Variants in MAST4 observed in about 807,000 individuals in gnomAD.
MAST4 encodes the protein microtubule-associated serine/threonine-protein kinase 4.
In MAST4, 89 loss-of-function variants were observed where a neutral mutation model predicts 162.7. That is an observed-to-expected ratio of 0.55 (90% CI 0.46 to 0.65). MAST4 has a LOEUF of 0.65. MAST4 is among the 30% of genes least tolerant of loss of function. The probability of loss-of-function intolerance (pLI) is 0.00; values close to 1 mark genes in which losing one functional copy is unlikely to be tolerated. For synonymous variants in MAST4, 1,479 were observed against 1,361.1 expected, an observed-to-expected ratio of 1.09 and a Z score of -1.91; for missense variants, 3,153 against 3,374.0, an observed-to-expected ratio of 0.93 and a Z score of 1.62.
intron 3 of MAST4, among the ~76,000 whole-genome samples, chr5:66,896,972 CACTT>C (rs1762721120): frequency 1.3e-5 from 2 of 152,148 alleles, no homozygotes; most frequent in South Asian, 4.1e-4. Flanking sequence ...TGCTAGTTAA[CACTT>C]AAAAGTCTGG....
chr5:67,119,013 G>A (rs1465543038), intron 13 of MAST4, among the ~76,000 whole-genome samples: 1 of 152,146 alleles, frequency 6.6e-6, no homozygotes, highest in African/African-American at 2.4e-5. Flanking sequence ...GGTAAGAAGG[G>A]GCAAAAGGAA....
intron 3 of MAST4, among the ~76,000 whole-genome samples, chr5:66,852,957 T>A (rs1289697467): frequency 6.6e-6 from 1 of 152,216 alleles, no homozygotes; most frequent in Non-Finnish European, 1.5e-5. Context: ...GACATACTCT[T>A]CTCAACAGTG....
intron 4 of MAST4, among the ~76,000 whole-genome samples, chr5:67,025,454 T>A (rs1754524415): frequency 6.6e-6 from 1 of 152,174 alleles, no homozygotes; most frequent in Non-Finnish European, 1.5e-5. Context: ...AATAATTTTT[T>A]TAAACAAGCC....
chr5:66,904,569 G>C (rs1450967771), intron 4 of MAST4, among the ~76,000 whole-genome samples: 1 of 152,070 alleles, frequency 6.6e-6, no homozygotes, highest in African/African-American at 2.4e-5. Flanking sequence ...GTAGGTCCGG[G>C]ATCTATAAAA....
At chr5:67,014,448 A>G (rs945824983) in intron 4 of MAST4, among the ~76,000 whole-genome samples, 4 of 152,236 alleles carry the variant, frequency 2.6e-5, no homozygotes, top group Non-Finnish European at 5.9e-5. Flanking sequence ...ATTCTGCAAA[A>G]TAAGCCTCTA....
intron 15 of MAST4, among the ~76,000 whole-genome samples, chr5:67,130,620 G>A (rs956039961): frequency 2.6e-5 from 4 of 152,114 alleles, no homozygotes; most frequent in African/African-American, 9.7e-5. Context: ...GAGAAAATTA[G>A]CGCTATCTGG....
At chr5:66,787,318 C>G (rs1755162737) in intron 2 of MAST4, among the ~76,000 whole-genome samples, 1 of 152,182 alleles carries the variant, frequency 6.6e-6, no homozygotes. Flanking sequence ...AAAAGAAGAT[C>G]TAATTTTTCT....
intron 1 of MAST4, among the ~76,000 whole-genome samples, chr5:66,715,023 G>A (rs531842391): frequency 1.6e-4 from 25 of 152,300 alleles, no homozygotes; most frequent in African/African-American, 6.0e-4. Flanking sequence ...GGTCCATGAT[G>A]ACTTTCCAAG....
At position 67,040,850 on chromosome 5, in the gene MAST4, T is replaced by G. The variant is rs546876957; in HGVS notation, c.675-13554T>G. 8.9e-4 allele frequency among the ~76,000 whole-genome samples: 136 copies of G among 152,346 alleles called. No individual in the cohort carries two copies. The Middle Eastern group carries it at 0.031, about 35-fold the overall frequency. On this transcript the variant is annotated intron_variant, in intron 4 of 28. Coordinates refer to ENST00000403625, the MANE Select transcript of MAST4 (RefSeq NM_001164664.2). ...TGCTTTGTAGACAGTCTAGCAAGAT[T>G]GTTAAAAACACAGGTTCTGAAGGCA...
chr5:66,596,430 C>T lies in MAST4; in HGVS notation c.-226C>T, dbSNP rs150749318. 41 of 440,928 alleles carry T rather than the reference C, an allele frequency of 9.3e-5. No homozygotes were observed. In the East Asian group the frequency reaches 1.4e-3, roughly 15 times the overall value. The allele number at this position is 440,928 out of a possible 1,614,324, so 27.3% of individuals were successfully genotyped here. On this transcript the variant is annotated 5_prime_UTR_variant, in exon 1 of 29. Coordinates refer to ENST00000403625, the MANE Select transcript of MAST4 (RefSeq NM_001164664.2). Reference sequence around the variant, plus strand: ...AGATCGCGGACCCGAGCGGGCATGTCCCCGCGCGCGGGAGCCTCCGTTTGC... The same window carrying T: ...AGATCGCGGACCCGAGCGGGCATGTTCCCGCGCGCGGGAGCCTCCGTTTGC...
chr5:66,931,765 T>TAA (rs140448523), intron 4 of MAST4, among the ~76,000 whole-genome samples: 1 of 151,254 alleles, frequency 6.6e-6, no homozygotes, highest in Admixed American at 6.6e-5. Context: ...TACACTGTAT[T>TAA]AAAAAAAAAG....
At chr5:67,143,528 G>C (rs1454439794) in intron 21 of MAST4, among the ~76,000 whole-genome samples, 1 of 152,160 alleles carries the variant, frequency 6.6e-6, no homozygotes, top group East Asian at 1.9e-4. Context: ...ATTTTCAGTA[G>C]CTATATATTT....
chr5:66,928,976 AG>A (rs1741844347), intron 4 of MAST4, among the ~76,000 whole-genome samples: 1 of 152,204 alleles, frequency 6.6e-6, no homozygotes, highest in African/African-American at 2.4e-5. Context: ...TGTGTGTATT[AG>A]CTGTGTTCTC....
intron 3 of MAST4, among the ~76,000 whole-genome samples, chr5:66,850,017 A>T (rs1236406719): frequency 6.6e-6 from 1 of 152,200 alleles, no homozygotes; most frequent in Admixed American, 6.6e-5. Context: ...AATAAAGATG[A>T]TGAATTCTGG....
At chr5:66,882,573 G>A (rs1296183308) in intron 3 of MAST4, among the ~76,000 whole-genome samples, 2 of 151,734 alleles carry the variant, frequency 1.3e-5, no homozygotes, top group African/African-American at 4.8e-5. Flanking sequence ...TATTCTTCAG[G>A]CTAGATTTTT....
Position 66,596,718 on chromosome 5 carries a change from C to T in MAST4, c.63C>T (p.Ser21=). The change falls in exon 1 of 29, where the codon AGC becomes AGT. Residue 21 remains serine (S), a synonymous_variant. Transcript: ENST00000403625. ...PVPRGCSGHG[S]RTPASALVAA... is the part of the protein sequence containing the mutation. ...CCCGCGGCTGCAGTGGCCACGGCAG[C>T]CGGACTCCAGCCTCTGCGCTGGTCG... 1 of 1,443,014 alleles carries T rather than the reference C, an allele frequency of 6.9e-7. No individual in the cohort carries two copies. The highest frequency in any genetic ancestry group is 1.5e-5 in the South Asian group (1 of 65,878). 89.4% of individuals were successfully genotyped at this position (1,443,014 alleles called of 1,614,324 possible).
At chr5:66,941,654 C>G (rs923310762) in intron 4 of MAST4, among the ~76,000 whole-genome samples, 13 of 152,174 alleles carry the variant, frequency 8.5e-5, no homozygotes, top group Non-Finnish European at 1.6e-4. Flanking sequence ...CAATTTCCTT[C>G]AAGAACTTTT....
intron 1 of MAST4, among the ~76,000 whole-genome samples, chr5:66,648,811 G>A (rs1746029654): frequency 6.6e-6 from 1 of 152,122 alleles, no homozygotes. Flanking sequence ...TACATTATTT[G>A]TAGGGTAGTC....
intron 4 of MAST4, among the ~76,000 whole-genome samples, chr5:66,920,180 C>T (rs1164540412): frequency 6.6e-6 from 1 of 152,036 alleles, no homozygotes; most frequent in African/African-American, 2.4e-5. Flanking sequence ...TCAGAGGTGA[C>T]AAATGATACA....
Sources: gnomAD v4.1 joint callset for allele counts (sites outside exome capture counted in the v4.1 genomes callset) on GRCh38, gnomAD v4.1.1 for gene constraint, MANE v1.5 for transcripts, NCBI Gene and HGNC (gene_info 2026-07-23, HGNC 2026-07-21) for gene names.